ZNF346: variants seen among roughly 807,000 people sequenced by gnomAD.
ZNF346 encodes the protein double-stranded RNA-binding zinc finger protein JAZ.
In ZNF346, 23 loss-of-function variants were observed where a neutral mutation model predicts 33.7. That is an observed-to-expected ratio of 0.68 (90% confidence interval 0.49 to 0.97). The LOEUF (loss-of-function observed/expected upper bound fraction) is 0.97, where lower values mean the gene tolerates loss of function less well. ZNF346 is among the 50% of genes least tolerant of loss of function. ZNF346 has a pLI of 0.00. For missense variants in ZNF346, 340 were observed against 371.1 expected (o/e 0.92, Z 0.69); for synonymous variants, 134 against 142.4 (o/e 0.94, Z 0.42).
chr5:177,034,389 A>C (rs1002045922), intron 1 of ZNF346, among the ~76,000 whole-genome samples: 1 of 151,672 alleles, frequency 6.6e-6, no homozygotes, highest in Admixed American at 6.6e-5. Flanking sequence ...ACACTCAGCT[A>C]ATCTTTTTTG....
chr5:177,032,617 G>A (rs1489218200), intron 1 of ZNF346, among the ~76,000 whole-genome samples: 1 of 152,072 alleles, frequency 6.6e-6, no homozygotes, highest in Non-Finnish European at 1.5e-5. Flanking sequence ...TACCACGTTG[G>A]CCAGCCTGGT....
chr5:177,059,681 C>T (rs537750827), intron 5 of ZNF346, among the ~76,000 whole-genome samples: 6 of 152,284 alleles, frequency 3.9e-5, no homozygotes, highest in African/African-American at 7.2e-5. Context: ...CTTTCTGAGC[C>T]CCATGCTGGT....
chr5:177,024,347 G>A (rs997104329), intron 1 of ZNF346, among the ~76,000 whole-genome samples: 6 of 151,700 alleles, frequency 4.0e-5, no homozygotes, highest in Non-Finnish European at 8.8e-5. Context: ...ACAGGCTGCT[G>A]CCATGACGCT....
chr5:177,061,404 C>T (rs1489425761), intron 5 of ZNF346, among the ~76,000 whole-genome samples: 2 of 152,202 alleles, frequency 1.3e-5, no homozygotes, highest in Non-Finnish European at 2.9e-5. Context: ...AAGATCGCGC[C>T]ACTGCACTCC....
At chr5:177,032,278 A>T (rs1777840289) in intron 1 of ZNF346, among the ~76,000 whole-genome samples, 1 of 152,082 alleles carries the variant, frequency 6.6e-6, no homozygotes, top group South Asian at 2.1e-4. Context: ...TGCTGGGATT[A>T]CAGGCGTGAG....
At chr5:177,023,341 C>T (rs1776170169) in intron 1 of ZNF346, 7 of 844,108 alleles carry the variant, frequency 8.3e-6, no homozygotes, top group South Asian at 7.4e-5. Context: ...CCCACACTTC[C>T]GAGGGCTCTG....
intron 1 of ZNF346, among the ~76,000 whole-genome samples, chr5:177,030,572 G>T (rs1237271289): frequency 1.3e-5 from 2 of 151,978 alleles, no homozygotes; most frequent in African/African-American, 4.8e-5. Flanking sequence ...CTCCCAAAGT[G>T]CTGGGATTAT....
At chr5:177,059,171 C>G (rs1258364455) in intron 5 of ZNF346, among the ~76,000 whole-genome samples, 1 of 152,216 alleles carries the variant, frequency 6.6e-6, no homozygotes, top group Non-Finnish European at 1.5e-5. Flanking sequence ...GCTAGGTGCT[C>G]TCACATTTAA....
chr5:177,047,305 T>A (rs1477833229), intron 4 of ZNF346, among the ~76,000 whole-genome samples: 1 of 151,680 alleles, frequency 6.6e-6, no homozygotes, highest in Non-Finnish European at 1.5e-5. Context: ...TACCGTATGG[T>A]ATGTACAATT....
chr5:177,059,802 T>C (rs1782228560), intron 5 of ZNF346, among the ~76,000 whole-genome samples: 1 of 152,230 alleles, frequency 6.6e-6, no homozygotes, highest in African/African-American at 2.4e-5. Flanking sequence ...CCAGGCATTG[T>C]GGTAAATACG....
intron 8 of ZNF346, among the ~76,000 whole-genome samples, chr5:177,078,394 G>T (rs896041441): frequency 2.0e-5 from 3 of 152,234 alleles, no homozygotes; most frequent in African/African-American, 7.2e-5. Flanking sequence ...GACTGGAGCT[G>T]GGACAGCAGA....
chr5:177,029,441 G>A (rs1777357141), intron 1 of ZNF346, among the ~76,000 whole-genome samples: 1 of 152,154 alleles, frequency 6.6e-6, no homozygotes, highest in Non-Finnish European at 1.5e-5. Flanking sequence ...GCCTGACCCA[G>A]TGGCTCCTGC....
intron 4 of ZNF346, among the ~76,000 whole-genome samples, chr5:177,047,626 C>T (rs1430689818): frequency 3.9e-5 from 6 of 152,104 alleles, no homozygotes; most frequent in Non-Finnish European, 8.8e-5. Flanking sequence ...TTGACTCAGC[C>T]TCCTGAGTAG....
At chr5:177,076,874 C>T (rs1341728542) in intron 8 of ZNF346, among the ~76,000 whole-genome samples, 1 of 152,108 alleles carries the variant, frequency 6.6e-6, no homozygotes, top group Non-Finnish European at 1.5e-5. Flanking sequence ...AACCCCGTCT[C>T]TACTAAAAAT....
intron 5 of ZNF346, among the ~76,000 whole-genome samples, chr5:177,058,302 T>C (rs1431413189): frequency 6.6e-6 from 1 of 151,590 alleles, no homozygotes; most frequent in East Asian, 2.0e-4. Context: ...AGAAACCCCG[T>C]GTCTACTAAA....
At chr5:177,049,963 A>G (rs1338541369) in intron 4 of ZNF346, among the ~76,000 whole-genome samples, 3 of 152,084 alleles carry the variant, frequency 2.0e-5, no homozygotes, top group Non-Finnish European at 2.9e-5. Flanking sequence ...CAGCCTCCCA[A>G]GTAGCTGGGA....
downstream of ZNF346, among the ~76,000 whole-genome samples, chr5:177,071,932 A>G (rs964000092): frequency 6.6e-6 from 1 of 152,150 alleles, no homozygotes; most frequent in Non-Finnish European, 1.5e-5. Context: ...CTTACTGTTC[A>G]TATATGCTGC....
At chr5:177,063,033 C>T (rs980478087) in intron 6 of ZNF346, among the ~76,000 whole-genome samples, 1 of 151,218 alleles carries the variant, frequency 6.6e-6, no homozygotes, top group African/African-American at 2.4e-5. Context: ...CGAAGGGAAA[C>T]GTGTGGTATG....
intron 6 of ZNF346, among the ~76,000 whole-genome samples, chr5:177,063,064 CG>C (rs1454357436): frequency 1.4e-5 from 2 of 140,916 alleles, no homozygotes; most frequent in Non-Finnish European, 3.0e-5. Context: ...CACAACATAA[CG>C]TTTTTTTTTT....
Sources: allele counts gnomAD v4.1 joint callset (sites outside exome capture counted in the v4.1 genomes callset), GRCh38; gene constraint gnomAD v4.1.1; transcripts MANE v1.5; gene names NCBI Gene and HGNC (gene_info 2026-07-23, HGNC 2026-07-21).